CANX: variants seen among roughly 807,000 people sequenced by gnomAD.
CANX encodes epididymis secretory sperm binding protein.
A neutral mutation model predicts 75.7 loss-of-function variants in CANX; 14 were observed. The observed-to-expected ratio is 0.19, with a 90% CI of 0.12 to 0.29. The LOEUF is 0.29. Ranked by LOEUF, CANX falls within the 10% of genes least tolerant of loss-of-function variation. The pLI is 1.00. For synonymous variants in CANX, 227 were observed against 236.9 expected (o/e 0.96, Z 0.38); for missense variants, 567 against 713.2 (o/e 0.79, Z 2.34).
intron 14 of CANX, among the ~76,000 whole-genome samples, chr5:179,727,746 A>G (rs1390200140): frequency 6.6e-6 from 1 of 152,186 alleles, no homozygotes; most frequent in Non-Finnish European, 1.5e-5. Flanking sequence ...TCATCTAGGA[A>G]AGATACGGTG....
chr5:179,720,495 G>A lies in CANX; in HGVS notation c.1117G>A (p.Val373Met), dbSNP rs772209604. ...APGCGVWQRP[V>M]IDNPNYKGKW... ...TGGATGTGGTGTCTGGCAGCGACCT[G>A]TGATTGACAACCCCAATTATAAAGG... is the stretch of plus-strand genomic sequence containing the variant. The change falls in exon 10 of 15, where the codon GTG becomes ATG. Residue 373 changes from valine (V) to methionine (M), a missense_variant. By Grantham distance (21) the Val-to-Met change is conservative (BLOSUM62 1). Transcript: ENST00000247461. 6.2e-7 allele frequency: 1 copy of A among 1,614,028 alleles called. No homozygotes were observed. The highest frequency in any genetic ancestry group is 8.5e-7 in the Non-Finnish European group (1 of 1,179,878).
At chr5:179,691,683 ACT>A (rs1316901130) in intron 1 of CANX, among the ~76,000 whole-genome samples, 1 of 151,816 alleles carries the variant, frequency 6.6e-6, no homozygotes, top group Admixed American at 6.6e-5. Flanking sequence ...GCGAGGCAGT[ACT>A]CTCTTCCTCT....
chr5:179,717,535 A>G (rs1267589567), intron 8 of CANX, among the ~76,000 whole-genome samples: 1 of 152,168 alleles, frequency 6.6e-6, no homozygotes, highest in African/African-American at 2.4e-5. Context: ...GTGTTGAAGC[A>G]TGTATCAGTA....
At position 179,728,590 on chromosome 5, in the gene CANX, G is replaced by A; in HGVS notation, c.1726-1G>A. 1 of 1,565,776 alleles carries A rather than the reference G, an allele frequency of 6.4e-7. No homozygotes were observed. Among genetic ancestry groups the A allele is most frequent in the Non-Finnish European group, 8.8e-7 (1 of 1,136,362 alleles). On this transcript the variant is annotated splice_acceptor_variant, in intron 14 of 14. Coordinates refer to ENST00000247461, the MANE Select transcript of CANX (RefSeq NM_001746.4). LOFTEE classifies it high-confidence loss of function. ...ATAATGAATTTCTTTTCAATCAATA[G>A]GAGGATGAAATTTTGAACAGATCAC...
intron 1 of CANX, among the ~76,000 whole-genome samples, chr5:179,684,322 A>G (rs1776143304): frequency 6.6e-6 from 1 of 150,952 alleles, no homozygotes; most frequent in Admixed American, 6.6e-5. Context: ...GGCTCAAGGG[A>G]TCCTCCCACC....
At chr5:179,715,597 C>T (rs1323649336) in intron 7 of CANX, among the ~76,000 whole-genome samples, 1 of 152,138 alleles carries the variant, frequency 6.6e-6, no homozygotes, top group African/African-American at 2.4e-5. Context: ...TTTTTTCATT[C>T]TCCATGGGAG....
At chr5:179,718,195 G>A (rs1778081911) in intron 8 of CANX, among the ~76,000 whole-genome samples, 1 of 151,894 alleles carries the variant, frequency 6.6e-6, no homozygotes, top group African/African-American at 2.4e-5. Context: ...TTTGTTTGTT[G>A]AGACAGAGTC....
Position 179,724,708 on chromosome 5 carries a change from G to A in CANX, c.1570G>A (p.Val524Met), listed in dbSNP as rs559928822. ...YKKTDAPQPD[V>M]KEEEEEKEEE... ...GAAAACTGATGCACCTCAACCGGAT[G>A]TGAAGGAAGAGGAAGAAGAGAAGGA... The change falls in exon 13 of 15, where the codon GTG (valine) becomes ATG (methionine). Residue 524 changes from valine to methionine, a missense_variant. By Grantham distance (21) the Val-to-Met change is conservative (BLOSUM62 1). Around this residue, in one of 3 missense-constraint regions of CANX, gnomAD observed 167 missense variants for 179.3 expected, o/e 0.93. Coordinates refer to ENST00000247461, the MANE Select transcript of CANX (RefSeq NM_001746.4). The A allele has an allele frequency of 4.9e-5, 79 of 1,612,960 alleles. 3 individuals are homozygous for A. The Middle Eastern group carries it at 9.9e-4, about 20-fold the overall frequency.
upstream of CANX, chr5:179,694,619 G>A (rs1246259035): frequency 4.1e-6 from 4 of 965,918 alleles, no homozygotes; most frequent in Non-Finnish European, 6.6e-6. Context: ...TCACTAAGAC[G>A]GCAAAGCTGA....
chr5:179,708,263 A>G lies in CANX; in HGVS notation c.329A>G (p.Lys110Arg), dbSNP rs531497541. ...GGAAAGTGGGAGGTAGAGGAAATGA[A>G]GGAGTCAAAGCTTCCAGGTGATAAA... is the stretch of plus-strand genomic sequence containing the variant. The part of the protein sequence containing the change: ...YDGKWEVEEM[K>R]ESKLPGDKGL... Residue 110 changes from lysine (K) to arginine (R), a missense_variant, in exon 5 of 15, where the codon AAG becomes AGG. Physicochemically the swap from Lys to Arg is conservative, Grantham distance 26 (BLOSUM62 2). Around this residue, in one of 3 missense-constraint regions of CANX, gnomAD observed 351 missense variants for 433.8 expected, o/e 0.81. Transcript: ENST00000247461. 20 of 1,613,552 alleles carry G rather than the reference A, an allele frequency of 1.2e-5. No individual in the cohort carries two copies. The highest frequency in any genetic ancestry group is 9.3e-5 in the African/African-American group (7 of 74,896).
chr5:179,724,556 T>C lies in CANX; in HGVS notation c.1519-101T>C, dbSNP rs927551104. 7 of 924,940 alleles carry C rather than the reference T, an allele frequency of 7.6e-6. No individual in the cohort carries two copies. In the African/African-American group the frequency reaches 1.2e-4, roughly 15 times the overall value. 57.3% of individuals were successfully genotyped at this position (924,940 alleles called of 1,614,324 possible). A position where few individuals can be genotyped will look rare whatever the true frequency, so the allele number is the denominator to read the frequency against. On this transcript the variant is annotated intron_variant, in intron 12 of 14. Transcript: ENST00000247461. Reference sequence around the variant, plus strand: ...CTATTCGTTTCTGTATATCTATCCCTGTATACAGCCTGGAACAGAACTTTG... The same window carrying C: ...CTATTCGTTTCTGTATATCTATCCCCGTATACAGCCTGGAACAGAACTTTG...
At chr5:179,719,608 C>T in intron 8 of CANX, 60 bp from the exon 9 acceptor site, 2 of 901,630 alleles carry the variant, frequency 2.2e-6, no homozygotes, top group Admixed American at 4.7e-5. Flanking sequence ...TTCTGATCCA[C>T]AAAGTGGTAC....
intron 1 of CANX, among the ~76,000 whole-genome samples, chr5:179,685,174 C>A (rs903773471): frequency 6.6e-6 from 1 of 152,172 alleles, no homozygotes; most frequent in Non-Finnish European, 1.5e-5. Flanking sequence ...CCTCGGGTCA[C>A]TGCAACCTCC....
At position 179,719,620 on chromosome 5, in the gene CANX, A is replaced by G. The variant is rs950226319; in HGVS notation, c.912-48A>G. The G allele has an allele frequency of 5.7e-6, 6 of 1,044,108 alleles. No individual in the cohort carries two copies. In the African/African-American group the frequency reaches 6.3e-5, roughly 11 times the overall value. The allele number at this position is 1,044,108 out of a possible 1,614,324, so 64.7% of individuals were successfully genotyped here. A position where few individuals can be genotyped will look rare whatever the true frequency, so the allele number is the denominator to read the frequency against. ...CTGTTCTGATCCACAAAGTGGTACT[A>G]TACTGTGACCAGTGTTGTCATAACT... On this transcript the variant is annotated intron_variant, in intron 8 of 14. Coordinates refer to ENST00000247461, the MANE Select transcript of CANX (RefSeq NM_001746.4).
chr5:179,727,650 A>G (rs533999773), intron 14 of CANX, among the ~76,000 whole-genome samples: 2 of 152,330 alleles, frequency 1.3e-5, no homozygotes, highest in Non-Finnish European at 2.9e-5. Context: ...GCTACTGGAC[A>G]CAGGTGTCAC....
At chr5:179,698,550 C>T (rs749515114), upstream of CANX, 6 of 1,289,326 alleles carry the variant, frequency 4.7e-6, no homozygotes, top group East Asian at 5.5e-5. Context: ...CCGTTTGCCC[C>T]GTCAGCGAAG....
intron 1 of CANX, 105 bp downstream of exon 1, chr5:179,699,207 G>T: frequency 1.4e-6 from 1 of 690,950 alleles, no homozygotes; most frequent in Non-Finnish European, 1.8e-6. Flanking sequence ...CTGAGGGGTC[G>T]GGCTGGCTCT....
At chr5:179,686,400 CTT>C (rs879458030) in intron 1 of CANX, among the ~76,000 whole-genome samples, 5 of 140,626 alleles carry the variant, frequency 3.6e-5, no homozygotes, top group Admixed American at 7.2e-5. Flanking sequence ...GCCCGGCCAT[CTT>C]TTTTTTTTTT....
intron 1 of CANX, chr5:179,679,063 G>T (rs1308716375): frequency 1.6e-5 from 24 of 1,534,840 alleles, no homozygotes; most frequent in Non-Finnish European, 2.1e-5. Context: ...GCCGCGAGAT[G>T]TGATCGGCCC....
Sources: allele counts gnomAD v4.1 joint callset (sites outside exome capture counted in the v4.1 genomes callset), GRCh38; gene constraint gnomAD v4.1.1; regional missense constraint gnomAD v4.1.1; transcripts MANE v1.5; gene names NCBI Gene and HGNC (gene_info 2026-07-23, HGNC 2026-07-21).